The following CGGBP1 variants were observed in gnomAD, a reference collection of about 807,000 sequenced individuals.
CGGBP1 encodes CGG triplet repeat binding protein 1.
Under a neutral mutation model 11.4 loss-of-function variants are expected in CGGBP1, and 4 were observed. That is an observed-to-expected ratio of 0.35 (90% CI 0.17 to 0.80). CGGBP1 has a LOEUF of 0.80. CGGBP1 is among the 30% of genes least tolerant of loss of function. CGGBP1 has a pLI of 0.52. For missense variants in CGGBP1, 135 were observed against 202.1 expected, an observed-to-expected ratio of 0.67 and a Z score of 2.01; for synonymous variants, 76 against 74.1, an observed-to-expected ratio of 1.03 and a Z score of -0.13.
At chr3:88,059,155 G>C, upstream of CGGBP1, 4 of 1,321,164 alleles carry the variant, frequency 3.0e-6, no homozygotes, top group Middle Eastern at 2.7e-4. Flanking sequence ...TAAAAACTGG[G>C]GGCGTGGGTG....
At chr3:88,102,096 G>C (rs1174021621) in intron 2 of CGGBP1, among the ~76,000 whole-genome samples, 1 of 151,982 alleles carries the variant, frequency 6.6e-6, no homozygotes, top group African/African-American at 2.4e-5. Context: ...GCTATATCTT[G>C]TCTTTTCATT....
intron 2 of CGGBP1, among the ~76,000 whole-genome samples, chr3:88,068,879 C>T (rs1466168955): frequency 6.6e-6 from 1 of 152,016 alleles, no homozygotes; most frequent in Non-Finnish European, 1.5e-5. Context: ...AAAGCCAGCC[C>T]GTGCACTTAG....
At chr3:88,094,029 C>T (rs920275406) in intron 2 of CGGBP1, among the ~76,000 whole-genome samples, 1 of 151,816 alleles carries the variant, frequency 6.6e-6, no homozygotes, top group African/African-American at 2.4e-5. Context: ...GACATGTGAA[C>T]TTAGTCATTT....
Position 88,052,453 on chromosome 3 carries a change from C to T in CGGBP1, c.*3020G>A, listed in dbSNP as rs1228246122. 2 of 152,526 alleles carry T rather than the reference C, an allele frequency of 1.3e-5. No homozygotes were observed. Among genetic ancestry groups the T allele is most frequent in the Non-Finnish European group, 2.9e-5 (2 of 68,004 alleles). The allele number at this position is 152,526 out of a possible 1,614,324, so 9.4% of individuals were successfully genotyped here. On this transcript the variant is annotated 3_prime_UTR_variant, in exon 4 of 4. Coordinates refer to ENST00000482016, the MANE Select transcript of CGGBP1 (RefSeq NM_001008390.2). Reference sequence around the variant, plus strand: ...CAAAGACTAAGCACCAAATGATGAACTGTTTGTGGCTTTTGTTTTGGGCCA... The same window carrying T: ...CAAAGACTAAGCACCAAATGATGAATTGTTTGTGGCTTTTGTTTTGGGCCA...
At chr3:88,059,802 C>A (rs1706746527), upstream of CGGBP1, among the ~76,000 whole-genome samples, 2 of 152,122 alleles carry the variant, frequency 1.3e-5, no homozygotes, top group Admixed American at 1.3e-4. Flanking sequence ...CTTCCCTACC[C>A]CAAACAGACC....
chr3:88,112,969 A>C, intron 2 of CGGBP1: 2 of 539,324 alleles, frequency 3.7e-6, no homozygotes, highest in Non-Finnish European at 6.5e-6. Flanking sequence ...AGAAAACATA[A>C]TATGAATTCT....
intron 2 of CGGBP1, among the ~76,000 whole-genome samples, chr3:88,079,663 A>T (rs1307425960): frequency 2.6e-5 from 4 of 152,064 alleles, no homozygotes; most frequent in Non-Finnish European, 5.9e-5. Flanking sequence ...AGGTTGGACT[A>T]GATAATCTTC....
chr3:88,129,705 TGTA>T (rs1301985461), intron 2 of CGGBP1: 1 of 1,499,554 alleles, frequency 6.7e-7, no homozygotes, highest in Non-Finnish European at 8.9e-7. Context: ...GAAAACTGAT[TGTA>T]AGAGTGGAAT....
chr3:88,069,831 T>C (rs1707408267), intron 2 of CGGBP1, among the ~76,000 whole-genome samples: 1 of 152,214 alleles, frequency 6.6e-6, no homozygotes, highest in Non-Finnish European at 1.5e-5. Flanking sequence ...TATTATCTTG[T>C]GTTTTGAAAG....
intron 2 of CGGBP1, among the ~76,000 whole-genome samples, chr3:88,069,684 C>A (rs1409779173): frequency 6.6e-6 from 1 of 152,174 alleles, no homozygotes; most frequent in Non-Finnish European, 1.5e-5. Flanking sequence ...GTATTCACCA[C>A]TGCTTTGGAA....
At chr3:88,116,220 A>G (rs1293628598) in intron 2 of CGGBP1, among the ~76,000 whole-genome samples, 2 of 152,070 alleles carry the variant, frequency 1.3e-5, no homozygotes, top group African/African-American at 4.8e-5. Context: ...TTATACCCAC[A>G]TTAAAAATAA....
chr3:88,108,163 GA>G (rs1704859630), intron 2 of CGGBP1, among the ~76,000 whole-genome samples: 1 of 151,306 alleles, frequency 6.6e-6, no homozygotes, highest in Non-Finnish European at 1.5e-5. Context: ...GTAGGTATAT[GA>G]ATTCAGGTCA....
intron 2 of CGGBP1, among the ~76,000 whole-genome samples, chr3:88,104,671 T>G (rs1213539013): frequency 6.6e-6 from 1 of 152,174 alleles, no homozygotes; most frequent in Admixed American, 6.5e-5. Flanking sequence ...ATTTGTAAAC[T>G]CTAGAGTAAC....
At chr3:88,140,597 A>G in intron 2 of CGGBP1, 4 of 1,613,796 alleles carry the variant, frequency 2.5e-6, no homozygotes, top group Non-Finnish European at 3.4e-6. Flanking sequence ...GTAGTGATAT[A>G]GTCAATGGAC....
rs1451452918 is a variant in CGGBP1, at chr3:88,055,545, G to A, written c.432C>T (p.Asp144=). ...VKNGGSIPKS[D]QLRRAYLPDG... ...CAGGAAGATATGCCCTCCGTAGCTG[G>A]TCTGACTTAGGTATGGAGCCTCCAT... Residue 144 remains aspartate, a synonymous_variant, in exon 4 of 4, where the codon GAC becomes GAT. Transcript: ENST00000482016. The surrounding 1 kb of genome is among the most constrained non-coding windows in gnomAD (Gnocchi z 4.2). 6.3e-7 allele frequency: 1 copy of A among 1,591,012 alleles called. No homozygotes were observed. Among genetic ancestry groups the A allele is most frequent in the Non-Finnish European group, 8.6e-7 (1 of 1,164,374 alleles).
chr3:88,074,053 G>T (rs1707662866), intron 2 of CGGBP1, among the ~76,000 whole-genome samples: 1 of 151,954 alleles, frequency 6.6e-6, no homozygotes, highest in African/African-American at 2.4e-5. Flanking sequence ...TTGGTACAGG[G>T]GATCAAATGT....
At chr3:88,081,588 G>A (rs748382115) in intron 2 of CGGBP1, among the ~76,000 whole-genome samples, 3 of 152,104 alleles carry the variant, frequency 2.0e-5, no homozygotes, top group Non-Finnish European at 4.4e-5. Context: ...TTAATTTATT[G>A]TATGGATTAA....
chr3:88,124,951 C>T (rs1461356305), intron 2 of CGGBP1, among the ~76,000 whole-genome samples: 3 of 152,096 alleles, frequency 2.0e-5, no homozygotes, highest in Non-Finnish European at 2.9e-5. Context: ...CACGGTGGCT[C>T]ACGCCTGTAA....
intron 2 of CGGBP1, among the ~76,000 whole-genome samples, chr3:88,080,511 T>C (rs1708024431): frequency 1.3e-5 from 2 of 152,158 alleles, no homozygotes; most frequent in South Asian, 4.1e-4. Context: ...ATTCATTTTA[T>C]AGGTAATTTA....
Sources: allele counts gnomAD v4.1 joint callset (sites outside exome capture counted in the v4.1 genomes callset), GRCh38; gene constraint gnomAD v4.1.1; non-coding constraint Gnocchi (gnomAD v3.1); transcripts MANE v1.5; gene names NCBI Gene and HGNC (gene_info 2026-07-23, HGNC 2026-07-21).